The following GADL1 variants were observed in gnomAD, a reference collection of about 807,000 sequenced individuals.
The protein encoded by GADL1 is GAD like acidic amino acid decarboxylase 1.
A neutral mutation model predicts 69.5 loss-of-function variants in GADL1; 71 were observed. The ratio of observed to expected loss-of-function variants is 1.02; its 90% CI spans 0.84 to 1.25. The LOEUF is 1.25. GADL1 is among the 50% of genes most tolerant of loss of function. The pLI is 0.00. For synonymous variants in GADL1, 254 were observed against 214.4 expected (o/e 1.18, Z -1.62); for missense variants, 737 against 631.8 (o/e 1.17, Z -1.79).
In GADL1 at chr3:30,788,569, G is replaced by T. The variant is rs138454381; in HGVS notation, c.1251-2163C>A. Among the ~76,000 whole-genome samples, 286 of 152,280 alleles carry T rather than the reference G, an allele frequency of 1.9e-3. No homozygotes were observed. In the South Asian group the frequency reaches 0.02, roughly 11 times the overall value. Reference sequence around the variant, plus strand: ...TTTCTTACAATAAGGCAACAATGAAGTTTGCCACATTGCCTGACTCTGCTT... The same window carrying T: ...TTTCTTACAATAAGGCAACAATGAATTTTGCCACATTGCCTGACTCTGCTT... On this transcript the variant is annotated intron_variant, in intron 12 of 14. Transcript: ENST00000282538.
At chr3:30,861,817 T>A in intron 1 of GADL1, 52 bp from the exon 2 acceptor site, 2 of 1,236,032 alleles carry the variant, frequency 1.6e-6, no homozygotes, top group South Asian at 1.5e-5. Context: ...TTACACCACA[T>A]AACAAAGCAC....
chr3:30,846,788 C>G (rs1364213949), intron 6 of GADL1, among the ~76,000 whole-genome samples: 1 of 152,104 alleles, frequency 6.6e-6, no homozygotes, highest in Non-Finnish European at 1.5e-5. Context: ...CCTGCTTGCC[C>G]GTGGAGAAGA....
chr3:30,794,009 G>C (rs999922340), intron 12 of GADL1, among the ~76,000 whole-genome samples: 2 of 152,168 alleles, frequency 1.3e-5, no homozygotes, highest in African/African-American at 4.8e-5. Context: ...TACTGTAATT[G>C]TAACTTTTAA....
intron 2 of GADL1, among the ~76,000 whole-genome samples, chr3:30,857,823 T>C (rs1698253788): frequency 1.3e-5 from 2 of 152,000 alleles, no homozygotes; most frequent in Non-Finnish European, 2.9e-5. Flanking sequence ...TGGCTAACTC[T>C]GCTCTTGACA....
chr3:30,827,952 G>A (rs1697711104), intron 11 of GADL1, among the ~76,000 whole-genome samples: 2 of 151,702 alleles, frequency 1.3e-5, no homozygotes, highest in African/African-American at 4.8e-5. Flanking sequence ...CCCTTTTTCT[G>A]CTACATTAGC....
chr3:30,888,966 ATAT>A (rs1698747047), intron 1 of GADL1, among the ~76,000 whole-genome samples: 1 of 151,894 alleles, frequency 6.6e-6, no homozygotes, highest in African/African-American at 2.4e-5. Context: ...TAAATGTATA[ATAT>A]TAAAAGTTTA....
In GADL1 at chr3:30,874,363, C is replaced by T. The variant is rs763293820; in HGVS notation, c.38-12598G>A. Among the ~76,000 whole-genome samples the T allele has an allele frequency of 1.4e-4, 21 of 152,044 alleles. No homozygotes were observed. The South Asian group carries it at 1.7e-3, about 12-fold the overall frequency. Reference sequence around the variant, plus strand: ...CTGTAATGTTGAGAAATGAAGTACTCGCAGAACACTGCCTAACAGATCATA... The same window carrying T: ...CTGTAATGTTGAGAAATGAAGTACTTGCAGAACACTGCCTAACAGATCATA... On this transcript the variant is annotated intron_variant, in intron 1 of 14. Transcript: ENST00000282538.
chr3:30,752,602 T>C (rs749405681), intron 14 of GADL1, among the ~76,000 whole-genome samples: 2 of 152,162 alleles, frequency 1.3e-5, no homozygotes, highest in East Asian at 3.9e-4. Flanking sequence ...TCTCTGTCCT[T>C]TCTCTTAACC....
chr3:30,859,758 C>A (rs1698290695), intron 2 of GADL1, among the ~76,000 whole-genome samples: 2 of 151,976 alleles, frequency 1.3e-5, no homozygotes, highest in South Asian at 4.2e-4. Flanking sequence ...TGCAGGCTAC[C>A]TTTTAATGGT....
intron 3 of GADL1, among the ~76,000 whole-genome samples, chr3:30,855,824 G>C (rs922331570): frequency 6.8e-6 from 1 of 146,606 alleles, no homozygotes; most frequent in Non-Finnish European, 1.5e-5. Flanking sequence ...TCTGGTTTTA[G>C]TTTATTTTAG....
chr3:30,848,927 C>G (rs1311812226), intron 6 of GADL1, among the ~76,000 whole-genome samples: 1 of 152,168 alleles, frequency 6.6e-6, no homozygotes, highest in African/African-American at 2.4e-5. Context: ...GGTGACTTTA[C>G]AGCAAGTCCC....
intron 14 of GADL1, among the ~76,000 whole-genome samples, chr3:30,737,634 A>C (rs1389517828): frequency 2.0e-5 from 3 of 152,136 alleles, no homozygotes; most frequent in Non-Finnish European, 4.4e-5. Context: ...GAGTCTCTCA[A>C]GTTTAAATTA....
intron 12 of GADL1, among the ~76,000 whole-genome samples, chr3:30,794,905 CAT>C (rs1234021432): frequency 6.6e-6 from 1 of 152,120 alleles, no homozygotes; most frequent in African/African-American, 2.4e-5. Context: ...AACATGGAAA[CAT>C]TATTTCTATG....
At chr3:30,862,000 A>G (rs1208888848) in intron 1 of GADL1, among the ~76,000 whole-genome samples, 1 of 151,898 alleles carries the variant, frequency 6.6e-6, no homozygotes, top group African/African-American at 2.4e-5. Context: ...ACCTTATTAT[A>G]TATGTCACTC....
chr3:30,876,764 A>T (rs1358679058), intron 1 of GADL1, among the ~76,000 whole-genome samples: 1 of 151,964 alleles, frequency 6.6e-6, no homozygotes, highest in Non-Finnish European at 1.5e-5. Context: ...CCAATAAGTG[A>T]TAGAAACTGA....
intron 1 of GADL1, among the ~76,000 whole-genome samples, chr3:30,866,103 G>A (rs976166187): frequency 2.6e-5 from 4 of 151,990 alleles, no homozygotes; most frequent in African/African-American, 9.7e-5. Context: ...ACAGTGTCTG[G>A]TACATATTGG....
chr3:30,771,664 CTTTGAACATTT>C (rs1696422493), intron 14 of GADL1, among the ~76,000 whole-genome samples: 1 of 152,148 alleles, frequency 6.6e-6, no homozygotes, highest in African/African-American at 2.4e-5. Flanking sequence ...AGAACCTCAT[CTTTGAACATTT>C]TTTAAAGTGC....
At chr3:30,888,745 G>A (rs1367208953) in intron 1 of GADL1, among the ~76,000 whole-genome samples, 1 of 151,990 alleles carries the variant, frequency 6.6e-6, no homozygotes, top group Non-Finnish European at 1.5e-5. Flanking sequence ...GCCTATGAGG[G>A]AAGATATTAA....
intron 14 of GADL1, among the ~76,000 whole-genome samples, chr3:30,751,231 C>A (rs894314168): frequency 6.6e-6 from 1 of 151,974 alleles, no homozygotes; most frequent in Admixed American, 6.6e-5. Flanking sequence ...CAGGCCAATC[C>A]TTCAAAGGGC....
Sources: gnomAD v4.1 joint callset for allele counts (sites outside exome capture counted in the v4.1 genomes callset) on GRCh38, gnomAD v4.1.1 for gene constraint, MANE v1.5 for transcripts, NCBI Gene and HGNC (gene_info 2026-07-23, HGNC 2026-07-21) for gene names.